ESRRB: variants seen among roughly 807,000 people sequenced by gnomAD.
The protein encoded by ESRRB is steroid hormone receptor ERR2.
Under a neutral mutation model 46.0 loss-of-function variants are expected in ESRRB, and 16 were observed. The ratio of observed to expected loss-of-function variants is 0.35; its 90% CI spans 0.24 to 0.53. The LOEUF is 0.53. Among genes scored for constraint, ESRRB ranks in the 20% least tolerant of loss-of-function variants. ESRRB has a pLI of 0.93. For missense variants in ESRRB, 488 were observed against 607.4 expected (o/e 0.80, Z 2.07); for synonymous variants, 246 against 259.6 (o/e 0.95, Z 0.50).
At chr14:76,439,263 A>C (rs1308388617) in intron 1 of ESRRB, 78 bp from the exon 2 acceptor site, 1 of 1,530,200 alleles carries the variant, frequency 6.5e-7, no homozygotes, top group Non-Finnish European at 9.0e-7. Context: ...CTTCCCAGCC[A>C]CCCTACCTGC....
rs947206246 is a variant in ESRRB at position 76,482,332 on chromosome 14, G to T, written c.688+206G>T. ...CCACGGGCCCCAATGTCCAGAACATGCTCCCCTTGCCACCCACCCAAAGTT... is the reference window on the plus strand; with the variant it reads ...CCACGGGCCCCAATGTCCAGAACATTCTCCCCTTGCCACCCACCCAAAGTT... On this transcript the variant is annotated intron_variant, in intron 4 of 6. Transcript: ENST00000644823. The surrounding 1 kb of genome is among the most constrained non-coding windows in gnomAD (Gnocchi z 4.3). Among the ~76,000 whole-genome samples, 2 of 152,198 alleles carry T rather than the reference G, an allele frequency of 1.3e-5. No individual in the cohort carries two copies. The highest frequency in any genetic ancestry group is 1.5e-5 in the Non-Finnish European group (1 of 68,040).
chr14:76,476,695 G>A (rs921262391), intron 3 of ESRRB, among the ~76,000 whole-genome samples: 6 of 151,232 alleles, frequency 4.0e-5, no homozygotes, highest in South Asian at 2.1e-4. Flanking sequence ...CTGGAGATGC[G>A]CAGCTGCTGT....
At chr14:76,489,445 C>CACACACACA (rs1555344591) in intron 5 of ESRRB, among the ~76,000 whole-genome samples, 2 of 129,678 alleles carry the variant, frequency 1.5e-5, no homozygotes, top group Admixed American at 7.8e-5. Flanking sequence ...ATCTGGACAA[C>CACACACACA]CACACACACA....
intron 1 of ESRRB, among the ~76,000 whole-genome samples, chr14:76,378,690 A>C (rs1414297692): frequency 1.3e-5 from 2 of 152,112 alleles, no homozygotes; most frequent in African/African-American, 4.8e-5. Flanking sequence ...GAGGGTCTGC[A>C]TGTGCTGTGG....
In ESRRB at chr14:76,499,985, C is replaced by T. The variant is rs370162922; in HGVS notation, c.*1527C>T. On this transcript the variant is annotated 3_prime_UTR_variant, in exon 7 of 7. Coordinates refer to ENST00000644823, the MANE Select transcript of ESRRB (RefSeq NM_001379180.1). The stretch of plus-strand genomic sequence containing the variant: ...ATCAGAGCAACTCCCCGGGGATCCC[C>T]AATCCACGCCCTTCTAGTCCAACCC... 1.2e-4 allele frequency: 187 copies of T among 1,590,750 alleles called. 1 individual carries two copies. The African/African-American group carries it at 2.2e-3, about 19-fold the overall frequency.
intron 2 of ESRRB, among the ~76,000 whole-genome samples, chr14:76,453,651 G>T (rs536676853): frequency 7.0e-6 from 1 of 143,038 alleles, no homozygotes; most frequent in African/African-American, 2.6e-5. Context: ...AGGCTGAAGT[G>T]CAGTGGCACA....
intron 1 of ESRRB, among the ~76,000 whole-genome samples, chr14:76,320,173 A>T (rs933483733): frequency 2.0e-5 from 3 of 152,214 alleles, no homozygotes; most frequent in Non-Finnish European, 4.4e-5. Context: ...AACCTGTGGA[A>T]TCTATTTGCT....
intron 1 of ESRRB, among the ~76,000 whole-genome samples, chr14:76,315,511 G>T (rs1440391673): frequency 6.6e-6 from 1 of 152,172 alleles, no homozygotes; most frequent in African/African-American, 2.4e-5. Context: ...ACCCCTCAGG[G>T]TCTCACTTTT....
intron 1 of ESRRB, among the ~76,000 whole-genome samples, chr14:76,361,932 G>A (rs1884469481): frequency 6.6e-6 from 1 of 152,204 alleles, no homozygotes; most frequent in Admixed American, 6.5e-5. Flanking sequence ...GGAGCAGAGA[G>A]GGCAGCTTGG....
chr14:76,436,030 C>T (rs1044575843), intron 1 of ESRRB, among the ~76,000 whole-genome samples: 7 of 152,198 alleles, frequency 4.6e-5, no homozygotes, highest in Non-Finnish European at 7.4e-5. Context: ...CTGATAGAGG[C>T]CAGCATCTTC....
At position 76,500,382 on chromosome 14, in the gene ESRRB, T is replaced by G; in HGVS notation, c.*1924T>G. ...AGGATGCTGCGGCCCTAGCCCTCCA[T>G]GCAGCCCATCTTCCCTCATTTGGGT... On this transcript the variant is annotated 3_prime_UTR_variant, in exon 7 of 7. Transcript: ENST00000644823. 3.4e-6 allele frequency: 2 copies of G among 585,396 alleles called. No homozygotes were observed. Among genetic ancestry groups the G allele is most frequent in the Non-Finnish European group, 3.0e-6 (1 of 329,716 alleles). The allele number at this position is 585,396 out of a possible 1,614,324, so 36.3% of individuals were successfully genotyped here.
intron 1 of ESRRB, among the ~76,000 whole-genome samples, chr14:76,437,141 C>T (rs546602026): frequency 1.3e-5 from 2 of 152,282 alleles, no homozygotes; most frequent in South Asian, 2.1e-4. Flanking sequence ...AAGTGATTCT[C>T]GTGCTTCAGC....
intron 1 of ESRRB, among the ~76,000 whole-genome samples, chr14:76,385,406 A>C (rs1595067497): frequency 6.6e-6 from 1 of 152,282 alleles, no homozygotes; most frequent in South Asian, 2.1e-4. Context: ...GACCCTGAGT[A>C]AAAAATTAAT....
upstream of ESRRB, among the ~76,000 whole-genome samples, chr14:76,374,282 T>G (rs777273941): frequency 1.3e-5 from 2 of 152,190 alleles, no homozygotes; most frequent in African/African-American, 2.4e-5. Flanking sequence ...AGGAGGGAAT[T>G]ATCACTCATG....
chr14:76,324,196 C>T (rs1269387619), intron 1 of ESRRB, among the ~76,000 whole-genome samples: 1 of 152,314 alleles, frequency 6.6e-6, no homozygotes, highest in African/African-American at 2.4e-5. Flanking sequence ...AAGGTCTAGC[C>T]TCAGCCTATC....
At chr14:76,424,471 A>C (rs1197087782) in intron 1 of ESRRB, among the ~76,000 whole-genome samples, 1 of 152,196 alleles carries the variant, frequency 6.6e-6, no homozygotes, top group East Asian at 1.9e-4. Context: ...GGCCATGACC[A>C]GGGAGTGGAT....
intron 1 of ESRRB, among the ~76,000 whole-genome samples, chr14:76,387,049 T>C (rs1885260593): frequency 6.6e-6 from 1 of 152,116 alleles, no homozygotes; most frequent in Admixed American, 6.5e-5. Flanking sequence ...CAGCTCTCCC[T>C]ACCTCCCCAC....
chr14:76,476,075 T>C (rs1404507128), intron 3 of ESRRB, among the ~76,000 whole-genome samples: 1 of 152,038 alleles, frequency 6.6e-6, no homozygotes, highest in Non-Finnish European at 1.5e-5. Flanking sequence ...GTGGGTTTTT[T>C]TTTTTATTAA....
chr14:76,419,430 A>G (rs946136375), intron 1 of ESRRB, among the ~76,000 whole-genome samples: 4 of 152,146 alleles, frequency 2.6e-5, no homozygotes, highest in Non-Finnish European at 5.9e-5. Context: ...TTGAACAAGG[A>G]AATCTTCCAT....
Sources: allele counts gnomAD v4.1 joint callset (sites outside exome capture counted in the v4.1 genomes callset), GRCh38; gene constraint gnomAD v4.1.1; non-coding constraint Gnocchi (gnomAD v3.1); transcripts MANE v1.5; gene names NCBI Gene and HGNC (gene_info 2026-07-23, HGNC 2026-07-21).